RNF17: variants seen among roughly 807,000 people sequenced by gnomAD.
The protein encoded by RNF17 is spermatogenesis associated 23.
Under a neutral mutation model 200.5 loss-of-function variants are expected in RNF17, and 31 were observed. The ratio of observed to expected loss-of-function variants is 0.15; its 90% confidence interval spans 0.12 to 0.21. The LOEUF is 0.21. Among genes scored for constraint, RNF17 ranks in the 10% least tolerant of loss-of-function variants. The pLI, the probability that RNF17 is intolerant of heterozygous loss-of-function variation, is 1.00. For missense variants in RNF17, 1,628 were observed against 1,905.1 expected (o/e 0.85, Z 2.71); for synonymous variants, 606 against 637.8 (o/e 0.95, Z 0.75).
At chr13:24,788,832 G>A (rs757111314) in intron 7 of RNF17, among the ~76,000 whole-genome samples, 8 of 152,078 alleles carry the variant, frequency 5.3e-5, no homozygotes, top group East Asian at 1.9e-4. Flanking sequence ...CTCACTTCCC[G>A]TGGATAATCA....
At chr13:24,825,893 C>G in intron 16 of RNF17, 121 bp downstream of exon 16, 3 of 1,405,892 alleles carry the variant, frequency 2.1e-6, no homozygotes, top group Non-Finnish European at 2.8e-6. Flanking sequence ...GCTCTGCCAT[C>G]TGTCTTTAGA....
In RNF17 at chr13:24,879,174, C is replaced by G; in HGVS notation, c.4774-13C>G. The G allele has an allele frequency of 1.3e-6, 2 of 1,596,886 alleles. No homozygotes were observed. The highest frequency in any genetic ancestry group is 2.2e-5 in the South Asian group (2 of 90,628). ...ATTACTGTTTTCTTGACAACTGTAT[C>G]TTTTAATTTTAGGCTCCAGCACCAG... On this transcript the variant is annotated splice_polypyrimidine_tract_variant and intron_variant, in intron 34 of 35. Coordinates refer to ENST00000255324, the MANE Select transcript of RNF17 (RefSeq NM_031277.3).
At chr13:24,767,725 C>T (rs1261883656) in intron 2 of RNF17, among the ~76,000 whole-genome samples, 20 of 142,396 alleles carry the variant, frequency 1.4e-4, no homozygotes, top group Admixed American at 1.3e-3. Context: ...TCCAGTCTGG[C>T]GACAGAGCAA....
At chr13:24,838,873 A>C (rs551458573) in intron 18 of RNF17, among the ~76,000 whole-genome samples, 1 of 152,282 alleles carries the variant, frequency 6.6e-6, no homozygotes, top group South Asian at 2.1e-4. Flanking sequence ...GTAAAGAAAA[A>C]GTTAAACTGT....
chr13:24,778,367 C>T lies in RNF17; in HGVS notation c.390C>T (p.Ser130=). 2 of 1,613,652 alleles carry T rather than the reference C, an allele frequency of 1.2e-6. No individual in the cohort carries two copies. The highest frequency in any genetic ancestry group is 1.7e-6 in the Non-Finnish European group (2 of 1,179,604). The change falls in exon 4 of 36, where the codon TCC becomes TCT. Residue 130 remains serine (S), a synonymous_variant. Transcript: ENST00000255324. The stretch of plus-strand genomic sequence containing the variant: ...CTACTGGTTTAGAACGTTCAGCCTC[C>T]ACAGACAAGACTCTTTTGAACTCAT... ...QLTTGLERSA[S]TDKTLLNSSA...
At chr13:24,873,846 A>G (rs905996110) in intron 32 of RNF17, among the ~76,000 whole-genome samples, 3 of 152,186 alleles carry the variant, frequency 2.0e-5, no homozygotes, top group Non-Finnish European at 4.4e-5. Context: ...TATCTTAGTT[A>G]ATATAATGAT....
At chr13:24,831,077 G>A (rs1889328642) in intron 17 of RNF17, among the ~76,000 whole-genome samples, 1 of 152,080 alleles carries the variant, frequency 6.6e-6, no homozygotes, top group Non-Finnish European at 1.5e-5. Flanking sequence ...ATATACTGTT[G>A]TTTGAGTTGT....
intron 31 of RNF17, among the ~76,000 whole-genome samples, chr13:24,870,122 A>G (rs1378345231): frequency 6.6e-6 from 1 of 151,088 alleles, no homozygotes; most frequent in African/African-American, 2.4e-5. Context: ...TTGTTTTTGT[A>G]TTTTTACTAG....
intron 15 of RNF17, among the ~76,000 whole-genome samples, chr13:24,804,639 A>G (rs1885636149): frequency 6.6e-6 from 1 of 152,218 alleles, no homozygotes; most frequent in African/African-American, 2.4e-5. Flanking sequence ...TAATTAATGT[A>G]TAAATGTTTC....
Position 24,823,157 on chromosome 13 carries a change from T to G in RNF17, c.2092-2462T>G, listed in dbSNP as rs193170099. ...GGCATGATGTCAGCTCCCTGCAACC[T>G]CCACCTCCCAGGTTCAAGCAATTCT... On this transcript the variant is annotated intron_variant, in intron 15 of 35. Transcript: ENST00000255324. 5.1e-3 allele frequency among the ~76,000 whole-genome samples: 774 copies of G among 152,148 alleles called. 7 individuals carry two copies. The highest frequency in any genetic ancestry group is 0.018 in the African/African-American group (742 of 41,514).
chr13:24,747,784 G>A, the RNF17 span, among the ~76,000 whole-genome samples: 607 of 152,344 alleles, frequency 4.0e-3, 3 homozygotes, highest in Non-Finnish European at 6.4e-3. Flanking sequence ...CGGCCTGGCC[G>A]CCCAACGCAG....
At chr13:24,880,393 T>C (rs148452726), downstream of RNF17, among the ~76,000 whole-genome samples, 2 of 152,210 alleles carry the variant, frequency 1.3e-5, no homozygotes, top group Non-Finnish European at 2.9e-5. Context: ...TTCGAGATTT[T>C]GGGTGGGAAC....
At chr13:24,767,786 G>A (rs1169754558) in intron 2 of RNF17, among the ~76,000 whole-genome samples, 1 of 150,066 alleles carries the variant, frequency 6.7e-6, no homozygotes, top group Admixed American at 6.6e-5. Context: ...CATTTTTGCT[G>A]CTGAATCTTT....
At chr13:24,853,572 T>G (rs752377610) in intron 24 of RNF17, among the ~76,000 whole-genome samples, 2 of 152,174 alleles carry the variant, frequency 1.3e-5, no homozygotes, top group Non-Finnish European at 2.9e-5. Context: ...CTAGTAACAT[T>G]GAATTCATTG....
intron 15 of RNF17, among the ~76,000 whole-genome samples, chr13:24,818,826 TTTAA>T (rs1269777078): frequency 5.3e-5 from 8 of 152,218 alleles, no homozygotes; most frequent in African/African-American, 1.4e-4. Context: ...CATGTTTTTT[TTTAA>T]TTAATTCTGC....
At chr13:24,760,028 C>T (rs913612277), upstream of RNF17, among the ~76,000 whole-genome samples, 6 of 152,068 alleles carry the variant, frequency 3.9e-5, no homozygotes, top group Non-Finnish European at 8.8e-5. Context: ...GTAATCCCAG[C>T]TATTTGGGAG....
At chr13:24,753,486 G>A in the RNF17 span, among the ~76,000 whole-genome samples, 1 of 152,172 alleles carries the variant, frequency 6.6e-6, no homozygotes, top group Non-Finnish European at 1.5e-5. Context: ...TTACCTGATG[G>A]CCAGGGACGT....
At chr13:24,770,296 A>G (rs1593206577) in intron 2 of RNF17, among the ~76,000 whole-genome samples, 1 of 152,188 alleles carries the variant, frequency 6.6e-6, no homozygotes, top group Non-Finnish European at 1.5e-5. Context: ...AAAAGCAGGC[A>G]AAACACCATC....
In RNF17 at chr13:24,819,191, C is replaced by T. The variant is rs116017611; in HGVS notation, c.2092-6428C>T. 7.5e-3 allele frequency among the ~76,000 whole-genome samples: 1,139 copies of T among 152,208 alleles called. 15 individuals are homozygous for T. Among genetic ancestry groups the T allele is most frequent in the African/African-American group, 0.025 (1,052 of 41,554 alleles). On this transcript the variant is annotated intron_variant, in intron 15 of 35. Transcript: ENST00000255324. ...CTCGTTAAACAACAGCACATTTCTCCCTGCTTCCAACCTCTGGCCAGCACA... is the reference window on the plus strand; with the variant it reads ...CTCGTTAAACAACAGCACATTTCTCTCTGCTTCCAACCTCTGGCCAGCACA...
Sources: gnomAD v4.1 joint callset for allele counts (sites outside exome capture counted in the v4.1 genomes callset) on GRCh38, gnomAD v4.1.1 for gene constraint, MANE v1.5 for transcripts, NCBI Gene and HGNC (gene_info 2026-07-23, HGNC 2026-07-21) for gene names.